The following NRG1 variants were observed in gnomAD, a reference collection of about 807,000 sequenced individuals.
NRG1 encodes pro-neuregulin-1, membrane-bound isoform.
In NRG1, 18 loss-of-function variants were observed where a neutral mutation model predicts 63.8. The observed-to-expected ratio is 0.28, with a 90% confidence interval of 0.19 to 0.42. NRG1 has a LOEUF of 0.42. Ranked by LOEUF, NRG1 falls within the 10% of genes least tolerant of loss-of-function variation. NRG1 has a pLI of 1.00. For missense variants in NRG1, 762 were observed against 814.7 expected (o/e 0.94, Z 0.79); for synonymous variants, 302 against 301.3 (o/e 1.00, Z -0.02).
intron 1 of NRG1, among the ~76,000 whole-genome samples, chr8:32,340,550 A>G (rs575844018): frequency 6.6e-6 from 1 of 152,322 alleles, no homozygotes; most frequent in South Asian, 2.1e-4. Context: ...GCATTATTTA[A>G]AGGAATTTAT....
At chr8:32,111,493 A>C (rs1029315147) in intron 1 of NRG1, among the ~76,000 whole-genome samples, 2 of 152,172 alleles carry the variant, frequency 1.3e-5, no homozygotes, top group Admixed American at 1.3e-4. Context: ...TCAGTATTCA[A>C]GTGGTACCTC....
At chr8:32,207,274 G>A (rs1009525201) in intron 1 of NRG1, among the ~76,000 whole-genome samples, 3 of 151,834 alleles carry the variant, frequency 2.0e-5, no homozygotes, top group Non-Finnish European at 4.4e-5. Flanking sequence ...ACAAAGAAAA[G>A]CAAAACAAGT....
intron 1 of NRG1, among the ~76,000 whole-genome samples, chr8:32,172,699 G>A (rs569939429): frequency 1.4e-3 from 214 of 152,336 alleles, no homozygotes; most frequent in African/African-American, 4.8e-3. Context: ...GAATGCACAA[G>A]CCTCAGTAGC....
chr8:32,143,071 G>C (rs1836456438), intron 1 of NRG1, among the ~76,000 whole-genome samples: 1 of 152,198 alleles, frequency 6.6e-6, no homozygotes, highest in African/African-American at 2.4e-5. Context: ...CAGAATTTCA[G>C]ATGTCAGTCA....
At chr8:32,427,788 A>C (rs543485114) in intron 1 of NRG1, among the ~76,000 whole-genome samples, 1 of 152,292 alleles carries the variant, frequency 6.6e-6, no homozygotes, top group Non-Finnish European at 1.5e-5. Context: ...AATTGGAGAA[A>C]TATGCTCAGT....
intron 7 of NRG1, among the ~76,000 whole-genome samples, chr8:32,747,500 C>T (rs1000431513): frequency 4.0e-5 from 6 of 151,864 alleles, no homozygotes; most frequent in South Asian, 4.2e-4. Context: ...GAGTGTTGCA[C>T]GGAGGCAAGA....
intron 1 of NRG1, among the ~76,000 whole-genome samples, chr8:31,666,384 A>G (rs923100362): frequency 6.6e-6 from 1 of 152,132 alleles, no homozygotes; most frequent in Non-Finnish European, 1.5e-5. Context: ...CATTGATGAG[A>G]GAGAGGAAAG....
intron 1 of NRG1, among the ~76,000 whole-genome samples, chr8:31,935,409 T>G (rs1835219698): frequency 6.7e-6 from 1 of 149,460 alleles, no homozygotes. Flanking sequence ...AGGTGTGAGC[T>G]ACCACACCCA....
At chr8:32,196,555 G>T (rs1019613259) in intron 1 of NRG1, among the ~76,000 whole-genome samples, 4 of 152,214 alleles carry the variant, frequency 2.6e-5, no homozygotes, top group Admixed American at 2.6e-4. Context: ...TCAGTCGGGT[G>T]CTAGCCAAAG....
At chr8:31,936,005 C>T (rs1481529227) in intron 1 of NRG1, among the ~76,000 whole-genome samples, 1 of 151,828 alleles carries the variant, frequency 6.6e-6, no homozygotes, top group Non-Finnish European at 1.5e-5. Flanking sequence ...GAGCAGGAAA[C>T]ACAGAGAAAT....
At chr8:31,749,691 AG>A (rs1816250335) in intron 1 of NRG1, among the ~76,000 whole-genome samples, 1 of 150,998 alleles carries the variant, frequency 6.6e-6, no homozygotes, top group Admixed American at 6.6e-5. Flanking sequence ...TAATGGGAAA[AG>A]GGGACAAGAA....
chr8:32,613,887 T>G (rs1846828914), intron 3 of NRG1, among the ~76,000 whole-genome samples: 1 of 152,088 alleles, frequency 6.6e-6, no homozygotes, highest in Non-Finnish European at 1.5e-5. Flanking sequence ...AATAAGACTG[T>G]CACAATCCTC....
At chr8:32,526,702 T>C (rs1402570879) in intron 1 of NRG1, among the ~76,000 whole-genome samples, 1 of 152,216 alleles carries the variant, frequency 6.6e-6, no homozygotes, top group Non-Finnish European at 1.5e-5. Flanking sequence ...TCCAGTGAAC[T>C]ATCCCAAGTG....
intron 1 of NRG1, among the ~76,000 whole-genome samples, chr8:31,798,958 G>T (rs1289615703): frequency 6.6e-6 from 1 of 152,004 alleles, no homozygotes; most frequent in Non-Finnish European, 1.5e-5. Flanking sequence ...GAAAATTATA[G>T]AATTAAAAGC....
At chr8:32,258,269 T>C (rs1308792895) in intron 1 of NRG1, among the ~76,000 whole-genome samples, 2 of 152,204 alleles carry the variant, frequency 1.3e-5, no homozygotes, top group African/African-American at 2.4e-5. Context: ...CTTTTCACAG[T>C]TGAGGAAAAA....
chr8:32,453,019 T>A (rs550660567), intron 1 of NRG1, among the ~76,000 whole-genome samples: 1 of 152,338 alleles, frequency 6.6e-6, no homozygotes, highest in South Asian at 2.1e-4. Flanking sequence ...CTACTCTCGT[T>A]AAGTAGAAAA....
At chr8:32,510,413 A>G (rs1262978632) in intron 1 of NRG1, among the ~76,000 whole-genome samples, 1 of 152,042 alleles carries the variant, frequency 6.6e-6, no homozygotes, top group Admixed American at 6.6e-5. Context: ...CCAGTAGAAT[A>G]AAGAAAAAAG....
At chr8:32,406,963 C>A (rs1814077300) in intron 1 of NRG1, among the ~76,000 whole-genome samples, 3 of 151,858 alleles carry the variant, frequency 2.0e-5, no homozygotes, top group Admixed American at 2.0e-4. Context: ...AGTGTAAACT[C>A]AACTTTTGAA....
At chr8:31,932,691 G>A (rs1238220750) in intron 1 of NRG1, among the ~76,000 whole-genome samples, 1 of 152,160 alleles carries the variant, frequency 6.6e-6, no homozygotes, top group Non-Finnish European at 1.5e-5. Context: ...TCACATGAAA[G>A]TGTATGCTCA....
Sources: allele counts gnomAD v4.1 joint callset (sites outside exome capture counted in the v4.1 genomes callset), GRCh38; gene constraint gnomAD v4.1.1; transcripts MANE v1.5; gene names NCBI Gene and HGNC (gene_info 2026-07-23, HGNC 2026-07-21).